The following CCDC178 variants were observed in gnomAD, a reference collection of about 807,000 sequenced individuals.
CCDC178 encodes coiled-coil domain-containing protein 178.
CCDC178 carries 126 observed loss-of-function variants against 117.4 expected under a neutral mutation model. The ratio of observed to expected loss-of-function variants is 1.07; its 90% CI spans 0.93 to 1.24. CCDC178 has a LOEUF of 1.24. Among genes scored for constraint, CCDC178 ranks in the 50% most tolerant of loss-of-function variants. The pLI is 0.00. For missense variants in CCDC178, 1,030 were observed against 986.9 expected (o/e 1.04, Z -0.59); for synonymous variants, 283 against 313.4 (o/e 0.90, Z 1.02).
chr18:33,419,898 C>G (rs2064000385), intron 2 of CCDC178, among the ~76,000 whole-genome samples: 1 of 151,620 alleles, frequency 6.6e-6, no homozygotes, highest in Non-Finnish European at 1.5e-5. Context: ...TTCAACCCAG[C>G]AATCTTTCTT....
At chr18:33,127,807 A>T (rs2058026333) in intron 20 of CCDC178, among the ~76,000 whole-genome samples, 2 of 152,278 alleles carry the variant, frequency 1.3e-5, no homozygotes, top group African/African-American at 4.8e-5. Flanking sequence ...TTAGTAGTCA[A>T]GTTTGGAGAG....
At chr18:33,359,399 C>CAATAAAAA in intron 6 of CCDC178, among the ~76,000 whole-genome samples, 1 of 151,568 alleles carries the variant, frequency 6.6e-6, no homozygotes, top group Non-Finnish European at 1.5e-5. Context: ...TTACTTTAGT[C>CAATAAAAA]AGTCTTTGAT....
intron 21 of CCDC178, among the ~76,000 whole-genome samples, chr18:33,087,015 A>C (rs915147582): frequency 2.9e-5 from 4 of 139,186 alleles, no homozygotes; most frequent in African/African-American, 1.2e-4. Context: ...CACACACACA[A>C]CAAAATAGCC....
At chr18:33,080,136 G>A (rs899548791) in intron 21 of CCDC178, among the ~76,000 whole-genome samples, 1 of 152,134 alleles carries the variant, frequency 6.6e-6, no homozygotes, top group East Asian at 1.9e-4. Flanking sequence ...AATGTGGATG[G>A]AGCTGGAGGC....
intron 21 of CCDC178, among the ~76,000 whole-genome samples, chr18:33,023,929 T>C (rs2056172862): frequency 6.6e-6 from 1 of 152,140 alleles, no homozygotes; most frequent in African/African-American, 2.4e-5. Flanking sequence ...ACTGATCTTG[T>C]TGACATCAAA....
At chr18:33,387,457 A>G (rs2063508726) in intron 5 of CCDC178, among the ~76,000 whole-genome samples, 1 of 152,152 alleles carries the variant, frequency 6.6e-6, no homozygotes, top group Non-Finnish European at 1.5e-5. Context: ...CTGATTTCAA[A>G]CTATACTATA....
chr18:33,203,748 T>C (rs1327303252), intron 20 of CCDC178, among the ~76,000 whole-genome samples: 1 of 152,194 alleles, frequency 6.6e-6, no homozygotes, highest in Non-Finnish European at 1.5e-5. Flanking sequence ...GTTCACATTA[T>C]CTCTCTAGCC....
chr18:33,242,150 G>A (rs1233420968), intron 15 of CCDC178, among the ~76,000 whole-genome samples: 1 of 151,680 alleles, frequency 6.6e-6, no homozygotes, highest in African/African-American at 2.4e-5. Flanking sequence ...AAGGCACCAA[G>A]AACCTACATT....
At chr18:33,052,631 T>C (rs1355179548) in intron 21 of CCDC178, among the ~76,000 whole-genome samples, 1 of 152,102 alleles carries the variant, frequency 6.6e-6, no homozygotes, top group Non-Finnish European at 1.5e-5. Context: ...ATATATGTAG[T>C]GTTTGAGGAA....
At chr18:33,432,569 CTTCT>C (rs1205692078) in intron 2 of CCDC178, among the ~76,000 whole-genome samples, 1 of 151,292 alleles carries the variant, frequency 6.6e-6, no homozygotes, top group African/African-American at 2.4e-5. Flanking sequence ...GATGCTCTTC[CTTCT>C]AATTTTATAC....
intron 5 of CCDC178, among the ~76,000 whole-genome samples, chr18:33,374,624 C>T (rs2063341436): frequency 1.3e-5 from 2 of 151,932 alleles, no homozygotes; most frequent in Non-Finnish European, 2.9e-5. Flanking sequence ...CATTCCTCTT[C>T]TTTATATTTC....
intron 4 of CCDC178, among the ~76,000 whole-genome samples, chr18:33,391,364 G>A (rs925198827): frequency 2.6e-5 from 4 of 151,662 alleles, no homozygotes; most frequent in Admixed American, 6.6e-5. Context: ...AAAAATATAG[G>A]GGAAAATCTA....
chr18:33,346,110 G>A (rs1331335765), intron 9 of CCDC178, 101 bp downstream of exon 9: 3 of 846,360 alleles, frequency 3.5e-6, no homozygotes. Context: ...ACAGGCATGA[G>A]CCATGGCACT....
intron 3 of CCDC178, among the ~76,000 whole-genome samples, chr18:33,400,093 GA>G (rs921539993): frequency 1.4e-5 from 2 of 147,676 alleles, no homozygotes; most frequent in African/African-American, 5.0e-5. Flanking sequence ...ATATTTTAAA[GA>G]AATTTTTTTT....
chr18:32,957,644 C>T (rs2054621832), intron 22 of CCDC178: 1 of 152,106 alleles, frequency 6.6e-6, no homozygotes, highest in Non-Finnish European at 1.5e-5. Flanking sequence ...TATTAGTTGT[C>T]AAATTATAGA....
intron 10 of CCDC178, chr18:33,328,082 G>GTTTTTTTTTTGTTTTTTT (rs2062609334): frequency 4.1e-6 from 1 of 242,036 alleles, no homozygotes; most frequent in African/African-American, 3.3e-5. Flanking sequence ...TTTATCCCTA[G>GTTTTTTTTTTGTTTTTTT]ATTTTTTTTT....
chr18:33,260,962 T>C, intron 14 of CCDC178, among the ~76,000 whole-genome samples: 1 of 152,332 alleles, frequency 6.6e-6, no homozygotes, highest in East Asian at 1.9e-4. Context: ...CATATTGAGC[T>C]CTATTGTTAA....
At chr18:32,954,428 T>G (rs1032474613) in intron 22 of CCDC178, 1 of 152,188 alleles carries the variant, frequency 6.6e-6, no homozygotes, top group South Asian at 2.1e-4. Flanking sequence ...ATATTTGGCA[T>G]GTATTTCAAA....
At chr18:33,198,381 C>T (rs1468765325) in intron 20 of CCDC178, among the ~76,000 whole-genome samples, 1 of 152,146 alleles carries the variant, frequency 6.6e-6, no homozygotes, top group African/African-American at 2.4e-5. Context: ...TCTGGTGGAA[C>T]ACTTTAGGCT....
Sources: allele counts gnomAD v4.1 joint callset (sites outside exome capture counted in the v4.1 genomes callset), GRCh38; gene constraint gnomAD v4.1.1; transcripts MANE v1.5; gene names NCBI Gene and HGNC (gene_info 2026-07-23, HGNC 2026-07-21).